SCAF11: variants seen among roughly 807,000 people sequenced by gnomAD.
The protein encoded by SCAF11 is protein SCAF11.
SCAF11 carries 47 observed loss-of-function variants against 140.5 expected under a neutral mutation model. The observed-to-expected ratio is 0.33, with a 90% confidence interval of 0.26 to 0.43. The LOEUF is 0.43. Ranked by LOEUF, SCAF11 falls within the 20% of genes least tolerant of loss-of-function variation. SCAF11 has a pLI of 1.00. For synonymous variants in SCAF11, 557 were observed against 579.4 expected (o/e 0.96, Z 0.55); for missense variants, 1,645 against 1,705.1 (o/e 0.96, Z 0.62).
chr12:45,985,210 G>T (rs1008612777), intron 1 of SCAF11, among the ~76,000 whole-genome samples: 1 of 152,168 alleles, frequency 6.6e-6, no homozygotes, highest in Non-Finnish European at 1.5e-5. Context: ...ATTTGTTCTT[G>T]TTTTCTCCAT....
upstream of SCAF11, among the ~76,000 whole-genome samples, chr12:45,991,526 CA>C (rs1366429715): frequency 6.6e-6 from 1 of 152,168 alleles, no homozygotes; most frequent in Non-Finnish European, 1.5e-5. Context: ...CGTTCCACTG[CA>C]CTCCAGCCTG....
intron 6 of SCAF11, among the ~76,000 whole-genome samples, chr12:45,940,536 C>CA (rs1565669849): frequency 6.6e-6 from 1 of 152,138 alleles, no homozygotes; most frequent in African/African-American, 2.4e-5. Flanking sequence ...CAATTATTAG[C>CA]AATGTGATCT....
intron 9 of SCAF11, among the ~76,000 whole-genome samples, chr12:45,932,330 T>G (rs977585343): frequency 7.3e-5 from 11 of 151,542 alleles, no homozygotes; most frequent in Non-Finnish European, 1.6e-4. Flanking sequence ...TTAGGTCTCC[T>G]AACAAAAGAC....
At chr12:45,946,782 G>A (rs1945432936) in intron 5 of SCAF11, among the ~76,000 whole-genome samples, 2 of 152,126 alleles carry the variant, frequency 1.3e-5, no homozygotes, top group South Asian at 4.1e-4. Flanking sequence ...AAATACAAAT[G>A]CAAGAACCAA....
At chr12:45,931,646 G>C (rs747466177) in intron 9 of SCAF11, 34 bp from the exon 10 acceptor site, 1 of 1,195,586 alleles carries the variant, frequency 8.4e-7, no homozygotes, top group South Asian at 1.6e-5. Flanking sequence ...TTGTTTAAAT[G>C]GTTTAAAAAA....
At chr12:45,988,475 G>C (rs1946512688) in intron 1 of SCAF11, among the ~76,000 whole-genome samples, 1 of 152,132 alleles carries the variant, frequency 6.6e-6, no homozygotes, top group Non-Finnish European at 1.5e-5. Flanking sequence ...AGGTTTTCCA[G>C]AAAACTGTCT....
At position 45,961,877 on chromosome 12, in the gene SCAF11, A is replaced by G; in HGVS notation, c.62-20T>C. 1 of 1,578,566 alleles carries G rather than the reference A, an allele frequency of 6.3e-7. No homozygotes were observed. Among genetic ancestry groups the G allele is most frequent in the South Asian group, 1.2e-5 (1 of 84,078 alleles). On this transcript the variant is annotated intron_variant, in intron 2 of 14. Transcript: ENST00000369367. ...CTTCACCTGTTAAAGTAAAACAGCC[A>G]TATGTGCTTTCAAGTTCTCCAGACC...
At chr12:45,974,105 G>GTATA (rs1463914835) in intron 1 of SCAF11, 21 of 441,702 alleles carry the variant, frequency 4.8e-5, no homozygotes, top group Non-Finnish European at 8.9e-5. Flanking sequence ...TGGTTTCCTA[G>GTATA]TATATATGTT....
intron 1 of SCAF11, among the ~76,000 whole-genome samples, chr12:45,983,518 G>A (rs1946391190): frequency 6.6e-6 from 1 of 152,058 alleles, no homozygotes; most frequent in South Asian, 2.1e-4. Flanking sequence ...CTGAACAACA[G>A]AACACTGCAT....
rs112858085 is a variant in SCAF11, at chr12:45,926,808, G to T, written c.2893C>A (p.Arg965=). The change falls in exon 11 of 15, where the codon CGG becomes AGG. Residue 965 remains arginine, a synonymous_variant. Transcript: ENST00000369367. ...TCATTTGCCCATCTTCCCTTCCACC[G>T]GGGAGAGTAACTATCTCTGTCAATT... ...GRIDRDSYSP[R]WKGRWANDGW... is the part of the protein sequence containing the mutation. The T allele has an allele frequency of 6.2e-7, 1 of 1,613,988 alleles. No individual in the cohort carries two copies. The highest frequency in any genetic ancestry group is 1.3e-5 in the African/African-American group (1 of 74,990).
At chr12:45,979,727 C>G (rs899703789) in intron 1 of SCAF11, among the ~76,000 whole-genome samples, 2 of 152,092 alleles carry the variant, frequency 1.3e-5, no homozygotes, top group African/African-American at 4.8e-5. Context: ...CTAGGTATCT[C>G]AGAGATAAGT....
chr12:45,934,040 C>CA lies in SCAF11; in HGVS notation c.632+135dup, dbSNP rs202244513. ...GAGCTAGTTTACCTTCCCCCCCGCC[C>CA]AAAAAAAAACTAAAGCAAAACAACC... On this transcript the variant is annotated intron_variant, in intron 8 of 14. Transcript: ENST00000369367. The CA allele has an allele frequency of 5.0e-3, 2,576 of 517,808 alleles. 5 individuals are homozygous for CA. The highest frequency in any genetic ancestry group is 0.019 in the African/African-American group (948 of 50,082). The allele number at this position is 517,808 out of a possible 1,614,324, so 32.1% of individuals were successfully genotyped here. A position where few individuals can be genotyped will look rare whatever the true frequency, so the allele number is the denominator to read the frequency against.
In SCAF11 at chr12:45,988,831, C is replaced by G. The variant is rs769206417; in HGVS notation, c.-22+1522G>C. ...AAAAACTGAATGACTGTTAAAATAT[C>G]TGCAAGCACCAAAAAATATTATAGC... On this transcript the variant is annotated intron_variant, in intron 1 of 14. Transcript: ENST00000369367. Among the ~76,000 whole-genome samples the G allele has an allele frequency of 1.2e-4, 19 of 152,144 alleles. 1 individual carries two copies. Among genetic ancestry groups the G allele is most frequent in the Non-Finnish European group, 2.6e-4 (18 of 68,012 alleles).
At chr12:45,979,788 T>C (rs1946310432) in intron 1 of SCAF11, among the ~76,000 whole-genome samples, 1 of 152,084 alleles carries the variant, frequency 6.6e-6, no homozygotes, top group Non-Finnish European at 1.5e-5. Flanking sequence ...CATATGAATA[T>C]TTTACACATA....
In SCAF11 at chr12:45,931,517, A is replaced by T; in HGVS notation, c.830T>A (p.Phe277Tyr). 7.0e-7 allele frequency: 1 copy of T among 1,427,128 alleles called. No homozygotes were observed. The highest frequency in any genetic ancestry group is 9.2e-7 in the Non-Finnish European group (1 of 1,084,300). 88.4% of individuals were successfully genotyped at this position (1,427,128 alleles called of 1,614,324 possible). Residue 277 changes from phenylalanine (F) to tyrosine (Y), a missense_variant, in exon 10 of 15, where the codon TTC (phenylalanine) becomes TAC (tyrosine). Coordinates refer to ENST00000369367, the MANE Select transcript of SCAF11 (RefSeq NM_004719.3). ...TTCACAAACTTTACCAAAATGTTCG[A>T]AAGATATGGTACTTGTTGGAAAAAT... ...RTIFPTSTISFEHFGTSCKGY... is the reference protein window; with the variant it reads ...RTIFPTSTISYEHFGTSCKGY...
chr12:45,926,689 A>G lies in SCAF11; in HGVS notation c.3012T>C (p.His1004=). Residue 1004 remains histidine (H), a synonymous_variant, in exon 11 of 15, where the codon CAT becomes CAC. Coordinates refer to ENST00000369367, the MANE Select transcript of SCAF11 (RefSeq NM_004719.3). The part of the protein sequence containing the change: ...ENTRKEKNDI[H]LDADDPNSAD... Reference sequence around the variant, plus strand: ...CAGAATTTGGATCATCAGCATCTAGATGGATGTCATTTTTTTCTTTTCTTG... The same window carrying G: ...CAGAATTTGGATCATCAGCATCTAGGTGGATGTCATTTTTTTCTTTTCTTG... The G allele has an allele frequency of 1.2e-6, 2 of 1,613,332 alleles. No homozygotes were observed. The highest frequency in any genetic ancestry group is 1.7e-6 in the Non-Finnish European group (2 of 1,179,944).
intron 1 of SCAF11, among the ~76,000 whole-genome samples, chr12:45,972,899 T>TCG (rs1946119416): frequency 1.5e-5 from 1 of 64,658 alleles, no homozygotes; most frequent in Non-Finnish European, 2.7e-5. Context: ...TATAGATATA[T>TCG]ATATATATAG....
intron 5 of SCAF11, among the ~76,000 whole-genome samples, chr12:45,946,123 A>G (rs2136562330): frequency 6.6e-6 from 1 of 152,338 alleles, no homozygotes; most frequent in East Asian, 1.9e-4. Flanking sequence ...AGAAAGCATG[A>G]TTAGTTTCAC....
chr12:45,966,515 T>C (rs969318848), intron 1 of SCAF11, among the ~76,000 whole-genome samples: 1 of 151,560 alleles, frequency 6.6e-6, no homozygotes, highest in East Asian at 1.9e-4. Context: ...TGGAGAAAAA[T>C]TAAAAACAGT....
Sources: gnomAD v4.1 joint callset for allele counts (sites outside exome capture counted in the v4.1 genomes callset) on GRCh38, gnomAD v4.1.1 for gene constraint, MANE v1.5 for transcripts, NCBI Gene and HGNC (gene_info 2026-07-23, HGNC 2026-07-21) for gene names.